Variants in METTL8 observed in about 807,000 individuals in gnomAD.
METTL8 encodes the protein methyltransferase 8, tRNA N3-cytidine.
In METTL8, 32 loss-of-function variants were observed where a neutral mutation model predicts 48.7. The observed-to-expected ratio is 0.66, with a 90% confidence interval of 0.50 to 0.88. METTL8 has a LOEUF of 0.88. Ranked by LOEUF, METTL8 falls within the 40% of genes least tolerant of loss-of-function variation. The probability of loss-of-function intolerance (pLI) is 0.00; values close to 1 mark genes in which losing one functional copy is unlikely to be tolerated. For missense variants in METTL8, 464 were observed against 474.4 expected (o/e 0.98, Z 0.20); for synonymous variants, 136 against 157.1 (o/e 0.87, Z 1.01).
intron 3 of METTL8, among the ~76,000 whole-genome samples, chr2:171,342,893 G>T (rs115968749): frequency 6.6e-6 from 1 of 152,092 alleles, no homozygotes; most frequent in African/African-American, 2.4e-5. Context: ...TGTGCATAGC[G>T]GCCAGGCGAG....
At chr2:171,329,626 T>G (rs970011964) in intron 7 of METTL8, among the ~76,000 whole-genome samples, 9 of 152,234 alleles carry the variant, frequency 5.9e-5, no homozygotes, top group Non-Finnish European at 1.2e-4. Context: ...TCAGATTTAT[T>G]TGGAAATGGA....
intron 3 of METTL8, among the ~76,000 whole-genome samples, chr2:171,349,754 T>C (rs1683681767): frequency 6.6e-6 from 1 of 152,186 alleles, no homozygotes; most frequent in African/African-American, 2.4e-5. Context: ...TTTTCCATAG[T>C]AGCCACACCA....
intron 2 of METTL8, among the ~76,000 whole-genome samples, chr2:171,372,515 G>A (rs550732406): frequency 6.6e-6 from 1 of 151,700 alleles, no homozygotes; most frequent in South Asian, 2.1e-4. Context: ...TTAAGTTCTA[G>A]GGTACATGTG....
intron 3 of METTL8, among the ~76,000 whole-genome samples, chr2:171,342,646 C>T (rs1278420841): frequency 6.6e-6 from 1 of 151,960 alleles, no homozygotes; most frequent in Non-Finnish European, 1.5e-5. Flanking sequence ...GTAACTCATT[C>T]CATGCAGGTA....
At chr2:171,334,577 T>G (rs1685888458) in intron 5 of METTL8, among the ~76,000 whole-genome samples, 1 of 152,156 alleles carries the variant, frequency 6.6e-6, no homozygotes, top group Non-Finnish European at 1.5e-5. Context: ...TCTCTAAAAG[T>G]AGTAAAACAT....
intron 1 of METTL8, among the ~76,000 whole-genome samples, chr2:171,397,126 C>T (rs1183560042): frequency 6.6e-6 from 1 of 151,586 alleles, no homozygotes; most frequent in East Asian, 1.9e-4. Context: ...CTGGCCTCAG[C>T]TTCTATCTTC....
intron 2 of METTL8, among the ~76,000 whole-genome samples, chr2:171,369,037 G>A (rs879536012): frequency 5.3e-5 from 8 of 151,578 alleles, no homozygotes; most frequent in Admixed American, 4.6e-4. Context: ...CAGGCGCGGT[G>A]GCTCATGCCT....
intron 1 of METTL8, among the ~76,000 whole-genome samples, chr2:171,396,929 T>C (rs1351151999): frequency 1.3e-5 from 2 of 151,506 alleles, no homozygotes; most frequent in Non-Finnish European, 2.9e-5. Context: ...TCATAGCTCA[T>C]AGGCCTGCTT....
rs1347144962 is a variant in METTL8, at chr2:171,335,676, C to T, written c.656+1777G>A. On this transcript the variant is annotated intron_variant, in intron 5 of 9. Coordinates refer to ENST00000375258, the MANE Select transcript of METTL8 (RefSeq NM_001321154.2). The stretch of plus-strand genomic sequence containing the variant: ...CTGACCTCAAGTGATCTGCCTGCCT[C>T]GTCCTCCCAAAGTGCTGGGATTACA... Among the ~76,000 whole-genome samples, 5 of 152,130 alleles carry T rather than the reference C, an allele frequency of 3.3e-5. No individual in the cohort carries two copies. The South Asian group carries it at 8.3e-4, about 25-fold the overall frequency.
In METTL8 at chr2:171,381,780, CTTTTTTTTTT is replaced by C. The variant is rs35185395; in HGVS notation, c.143+10253_143+10262del. 2.5e-4 allele frequency among the ~76,000 whole-genome samples: 32 copies of C among 125,684 alleles called. 1 individual carries two copies. In the Admixed American group the frequency reaches 2.6e-3, roughly 10 times the overall value. The allele number at this position is 125,684 out of a possible 152,430, so 82.5% of individuals were successfully genotyped here. A position where few individuals can be genotyped will look rare whatever the true frequency, so the allele number is the denominator to read the frequency against. ...ACAAGGCTGTGGACAATTAGGAACA[CTTTTTTTTTT>C]TTTTTTTTTTGACATGGAGTCTTGC... On this transcript the variant is annotated intron_variant, in intron 2 of 9. Transcript: ENST00000375258.
At chr2:171,405,942 A>G (rs1690137762) in intron 1 of METTL8, among the ~76,000 whole-genome samples, 1 of 152,198 alleles carries the variant, frequency 6.6e-6, no homozygotes, top group South Asian at 2.1e-4. Context: ...AAAATGGGAA[A>G]GGACACTAAC....
intron 3 of METTL8, among the ~76,000 whole-genome samples, chr2:171,347,017 G>A (rs184667956): frequency 2.0e-5 from 3 of 152,172 alleles, no homozygotes; most frequent in Non-Finnish European, 2.9e-5. Context: ...CCTTGCTTAC[G>A]TGTGATAAGA....
chr2:171,345,373 T>C (rs11674303), intron 3 of METTL8, among the ~76,000 whole-genome samples: 55,005 of 152,010 alleles, frequency 0.36, 10,525 homozygotes, highest in African/African-American at 0.47. Context: ...TTCCATGTAA[T>C]AAAAAGCAAT....
At chr2:171,356,952 A>ATGTTTTGTTTTTTTTTTTTTTTTT in intron 3 of METTL8, among the ~76,000 whole-genome samples, 2 of 78,468 alleles carry the variant, frequency 2.5e-5, no homozygotes, top group African/African-American at 4.5e-5. Flanking sequence ...CAAAGACAAT[A>ATGTTTTGTTTTTTTTTTTTTTTTT]TTTTTTTTTT....
At chr2:171,368,386 G>C (rs1685936715) in intron 2 of METTL8, among the ~76,000 whole-genome samples, 1 of 152,156 alleles carries the variant, frequency 6.6e-6, no homozygotes. Context: ...ACTTGGGTAT[G>C]TGGCATATAG....
chr2:171,408,493 T>C (rs567431365), intron 1 of METTL8, among the ~76,000 whole-genome samples: 2 of 152,076 alleles, frequency 1.3e-5, no homozygotes, highest in African/African-American at 4.8e-5. Context: ...GGTTTCTCCA[T>C]GTTGGTCAGG....
chr2:171,322,108 G>C lies in METTL8; in HGVS notation c.*2064C>G, dbSNP rs1684551470. On this transcript the variant is annotated 3_prime_UTR_variant, in exon 10 of 10. Transcript: ENST00000375258. ...CTCCCGAGTAGCTGGGATTACAGGT[G>C]CCCACCACCACGCCTGGCTAATTTT... The C allele has an allele frequency of 6.6e-6, 1 of 151,768 alleles. No homozygotes were observed. 9.4% of individuals were successfully genotyped at this position (151,768 alleles called of 1,614,324 possible). A position where few individuals can be genotyped will look rare whatever the true frequency, so the allele number is the denominator to read the frequency against.
intron 2 of METTL8, among the ~76,000 whole-genome samples, chr2:171,379,477 G>A (rs1173407378): frequency 6.6e-6 from 1 of 151,942 alleles, no homozygotes; most frequent in Non-Finnish European, 1.5e-5. Context: ...TCCAGGAGCT[G>A]GTTTTTTGAA....
In METTL8 at chr2:171,321,745, T is replaced by C. The variant is rs1329137640; in HGVS notation, c.*2427A>G. On this transcript the variant is annotated 3_prime_UTR_variant, in exon 10 of 10. Transcript: ENST00000375258. ...GATTTACAGGTTTGGGATATGCACATTTTGTTTTGCCAGCTGTACTCTATT... is the reference window on the plus strand; with the variant it reads ...GATTTACAGGTTTGGGATATGCACACTTTGTTTTGCCAGCTGTACTCTATT... 2.0e-5 allele frequency: 3 copies of C among 152,170 alleles called. No homozygotes were observed. Among genetic ancestry groups the C allele is most frequent in the Non-Finnish European group, 4.4e-5 (3 of 68,034 alleles). The allele number at this position is 152,170 out of a possible 1,614,324, so 9.4% of individuals were successfully genotyped here. A position where few individuals can be genotyped will look rare whatever the true frequency, so the allele number is the denominator to read the frequency against.
Sources: allele counts gnomAD v4.1 joint callset (sites outside exome capture counted in the v4.1 genomes callset), GRCh38; gene constraint gnomAD v4.1.1; transcripts MANE v1.5; gene names NCBI Gene and HGNC (gene_info 2026-07-23, HGNC 2026-07-21).